ANK3: variants seen among roughly 807,000 people sequenced by gnomAD.
The protein encoded by ANK3 is ankyrin-3.
ANK3 carries 57 observed loss-of-function variants against 370.9 expected under a neutral mutation model. That is an observed-to-expected ratio of 0.15 (90% CI 0.12 to 0.19). ANK3 has a LOEUF of 0.19. Ranked by LOEUF, ANK3 falls within the 10% of genes least tolerant of loss-of-function variation. The pLI, the probability that ANK3 is intolerant of heterozygous loss-of-function variation, is 1.00. For synonymous variants in ANK3, 1,929 were observed against 1,946.3 expected (o/e 0.99, Z 0.23); for missense variants, 4,439 against 5,302.1 (o/e 0.84, Z 5.06).
intron 2 of ANK3, among the ~76,000 whole-genome samples, chr10:60,592,831 C>T (rs1052234516): frequency 2.0e-5 from 3 of 152,188 alleles, no homozygotes; most frequent in African/African-American, 7.2e-5. Flanking sequence ...GTATTCCCCT[C>T]ACACACTCCT....
chr10:60,706,522 T>G (rs1382058166), intron 1 of ANK3, among the ~76,000 whole-genome samples: 1 of 151,226 alleles, frequency 6.6e-6, no homozygotes, highest in Non-Finnish European at 1.5e-5. Flanking sequence ...TAAGAGAGAA[T>G]GCTCCTAACC....
At chr10:60,255,853 C>A (rs1440373884) in intron 7 of ANK3, among the ~76,000 whole-genome samples, 2 of 152,196 alleles carry the variant, frequency 1.3e-5, no homozygotes, top group African/African-American at 2.4e-5. Flanking sequence ...ACTGAAGTAA[C>A]ATAGCCCAGG....
chr10:60,039,661 C>T (rs189497726), intron 43 of ANK3, among the ~76,000 whole-genome samples: 3 of 151,996 alleles, frequency 2.0e-5, no homozygotes, highest in African/African-American at 7.3e-5. Context: ...AGCTGTAGTA[C>T]CTTGAGTAAA....
chr10:60,142,337 C>T (rs1004329786), intron 23 of ANK3, among the ~76,000 whole-genome samples: 8 of 152,248 alleles, frequency 5.3e-5, no homozygotes, highest in Non-Finnish European at 1.0e-4. Flanking sequence ...CCGTCGCACC[C>T]TCTACTCACC....
intron 2 of ANK3, among the ~76,000 whole-genome samples, chr10:60,464,320 C>T (rs556193700): frequency 1.3e-5 from 2 of 152,124 alleles, no homozygotes; most frequent in Non-Finnish European, 2.9e-5. Flanking sequence ...TTATGTTTTG[C>T]TTTAAAATGT....
rs928246136 is a variant in ANK3 at position 60,177,790 on chromosome 10, C to T, written c.2184+3539G>A. 5.9e-5 allele frequency among the ~76,000 whole-genome samples: 9 copies of T among 151,954 alleles called. 1 individual carries two copies. In the East Asian group the frequency reaches 1.4e-3, roughly 23 times the overall value. On this transcript the variant is annotated intron_variant, in intron 18 of 43. Transcript: ENST00000280772. ...TTTCTTTGTATTGTTTTAGTAGAGA[C>T]GGGGTTTCGCCGTGTTAGCCAGGAT...
At position 60,301,123 on chromosome 10, in the gene ANK3, G is replaced by GATATATATATATAT. The variant is rs34302629; in HGVS notation, c.115-21498_115-21485dup. On this transcript the variant is annotated intron_variant, in intron 1 of 43. Transcript: ENST00000280772. Reference sequence around the variant, plus strand: ...ACCAAACAACTCATTGAATACTTCCGATATATATATATATATATATATGTA... The same window carrying GATATATATATATAT: ...ACCAAACAACTCATTGAATACTTCCGATATATATATATATATATATATATATATATATATATGTA... Among the ~76,000 whole-genome samples, 187 of 135,204 alleles carry GATATATATATATAT rather than the reference G, an allele frequency of 1.4e-3. 4 individuals carry two copies. Among genetic ancestry groups the GATATATATATATAT allele is most frequent in the African/African-American group, 5.0e-3 (181 of 36,310 alleles). The allele number at this position is 135,204 out of a possible 152,430, so 88.7% of individuals were successfully genotyped here.
chr10:60,228,618 T>A (rs1447387760), intron 8 of ANK3, among the ~76,000 whole-genome samples: 1 of 151,938 alleles, frequency 6.6e-6, no homozygotes, highest in Non-Finnish European at 1.5e-5. Context: ...AACAATTTAG[T>A]ATTCATAATT....
chr10:60,366,328 G>A (rs186970120), intron 1 of ANK3, among the ~76,000 whole-genome samples: 1 of 152,008 alleles, frequency 6.6e-6, no homozygotes, highest in Non-Finnish European at 1.5e-5. Context: ...GACAGACTCT[G>A]TCTCGAAAAA....
At chr10:60,293,197 C>G (rs188063967) in intron 1 of ANK3, among the ~76,000 whole-genome samples, 3 of 152,278 alleles carry the variant, frequency 2.0e-5, no homozygotes, top group Non-Finnish European at 2.9e-5. Flanking sequence ...GAGAGAGTGG[C>G]TGCTTTAAAC....
chr10:60,177,847 G>A (rs745529325), intron 18 of ANK3, among the ~76,000 whole-genome samples: 4 of 151,926 alleles, frequency 2.6e-5, no homozygotes, highest in Non-Finnish European at 4.4e-5. Context: ...TGATCTGGCC[G>A]CCGCGGCCTC....
intron 2 of ANK3, among the ~76,000 whole-genome samples, chr10:60,435,967 G>A (rs2064145912): frequency 6.6e-6 from 1 of 152,134 alleles, no homozygotes; most frequent in Admixed American, 6.5e-5. Context: ...GGCGCCTGTA[G>A]TCCCAGCTTA....
chr10:60,360,616 G>A (rs958634850), intron 1 of ANK3, among the ~76,000 whole-genome samples: 1 of 152,074 alleles, frequency 6.6e-6, no homozygotes, highest in East Asian at 1.9e-4. Context: ...GGCTGAGATG[G>A]GAGGATTGCT....
Position 60,698,796 on chromosome 10 carries a change from A to G in ANK3, c.57+34467T>C, listed in dbSNP as rs2079504761. Among the ~76,000 whole-genome samples, 5 of 149,774 alleles carry G rather than the reference A, an allele frequency of 3.3e-5. No individual in the cohort carries two copies. In the South Asian group the frequency reaches 8.7e-4, roughly 26 times the overall value. On this transcript the variant is annotated intron_variant, in intron 1 of 43. Coordinates refer to the ANK3 transcript ENST00000373827. Reference sequence around the variant, plus strand: ...AGGGATAGCATTAGGAGATATACCTAATGCTAGATGACGAGCTAGTGGGTG... The same window carrying G: ...AGGGATAGCATTAGGAGATATACCTGATGCTAGATGACGAGCTAGTGGGTG...
intron 9 of ANK3, among the ~76,000 whole-genome samples, chr10:60,209,407 A>C (rs905914752): frequency 6.6e-6 from 1 of 152,168 alleles, no homozygotes; most frequent in African/African-American, 2.4e-5. Flanking sequence ...AAGTAGTATA[A>C]GCTCCTTGTT....
chr10:60,704,064 C>T (rs1370009560), intron 1 of ANK3, among the ~76,000 whole-genome samples: 1 of 152,170 alleles, frequency 6.6e-6, no homozygotes, highest in Non-Finnish European at 1.5e-5. Flanking sequence ...AACCAGCTGC[C>T]ACACTGTGAG....
intron 23 of ANK3, among the ~76,000 whole-genome samples, chr10:60,141,427 T>C (rs2094550171): frequency 6.6e-6 from 1 of 151,966 alleles, no homozygotes; most frequent in Non-Finnish European, 1.5e-5. Context: ...TGCTGTTACA[T>C]TGTTTCTTTC....
intron 2 of ANK3, among the ~76,000 whole-genome samples, chr10:60,576,454 G>A (rs989998163): frequency 6.6e-6 from 1 of 152,156 alleles, no homozygotes; most frequent in Admixed American, 6.5e-5. Context: ...GCTATCTTCC[G>A]CATAAAATTC....
intron 2 of ANK3, among the ~76,000 whole-genome samples, chr10:60,463,469 C>T (rs1455186440): frequency 1.3e-5 from 2 of 152,074 alleles, no homozygotes; most frequent in East Asian, 1.9e-4. Context: ...TTGTAAAGCT[C>T]CCTGTCATCT....
Sources: allele counts gnomAD v4.1 joint callset (sites outside exome capture counted in the v4.1 genomes callset), GRCh38; gene constraint gnomAD v4.1.1; transcripts MANE v1.5; gene names NCBI Gene and HGNC (gene_info 2026-07-23, HGNC 2026-07-21).